HERC6: variants seen among roughly 807,000 people sequenced by gnomAD.
The protein encoded by HERC6 is HECT and RLD domain containing E3 ubiquitin protein ligase family member 6, also known as probable E3 ubiquitin-protein ligase HERC6.
Under a neutral mutation model 114.5 loss-of-function variants are expected in HERC6, and 101 were observed. That is an observed-to-expected ratio of 0.88 (90% confidence interval 0.75 to 1.04). The LOEUF is 1.04. Among genes scored for constraint, HERC6 ranks in the 50% least tolerant of loss-of-function variants. The pLI, the probability that HERC6 is intolerant of heterozygous loss-of-function variation, is 0.00. For missense variants in HERC6, 1,133 were observed against 1,230.9 expected (o/e 0.92, Z 1.19); for synonymous variants, 408 against 436.2 (o/e 0.94, Z 0.81).
intron 13 of HERC6, among the ~76,000 whole-genome samples, chr4:88,420,071 C>T (rs1425306157): frequency 1.3e-5 from 2 of 151,878 alleles, no homozygotes; most frequent in Non-Finnish European, 2.9e-5. Flanking sequence ...TTCTCTCTTA[C>T]TATATATAGG....
At chr4:88,412,618 T>C (rs182873434) in intron 11 of HERC6, among the ~76,000 whole-genome samples, 4 of 152,254 alleles carry the variant, frequency 2.6e-5, no homozygotes, top group Admixed American at 2.6e-4. Context: ...CTGGATGAAA[T>C]AAATAATATA....
At chr4:88,380,858 C>T (rs1436543233) in intron 1 of HERC6, among the ~76,000 whole-genome samples, 1 of 151,874 alleles carries the variant, frequency 6.6e-6, no homozygotes, top group East Asian at 1.9e-4. Flanking sequence ...TGCATTTTCT[C>T]CTTGTCTACT....
At chr4:88,410,503 CA>C (rs1459238383) in intron 11 of HERC6, among the ~76,000 whole-genome samples, 3 of 152,144 alleles carry the variant, frequency 2.0e-5, no homozygotes, top group South Asian at 4.2e-4. Flanking sequence ...CCTTTCACAG[CA>C]AAAAGGGCAA....
In HERC6 at chr4:88,381,388, T is replaced by C. The variant is rs183212242; in HGVS notation, c.200-1833T>C. On this transcript the variant is annotated intron_variant, in intron 1 of 22. Coordinates refer to ENST00000264346, the MANE Select transcript of HERC6 (RefSeq NM_017912.4). ...CTTCGACTTAGGAGCTTGTGTACCA[T>C]GTTTAACAAAGAAAAGGGGGTTTGG... 2.7e-3 allele frequency among the ~76,000 whole-genome samples: 409 copies of C among 152,216 alleles called. 2 individuals are homozygous for C. The highest frequency in any genetic ancestry group is 9.4e-3 in the African/African-American group (390 of 41,514).
At chr4:88,386,118 G>A (rs985188903) in intron 3 of HERC6, among the ~76,000 whole-genome samples, 4 of 151,494 alleles carry the variant, frequency 2.6e-5, no homozygotes, top group South Asian at 2.1e-4. Context: ...CCTCTTATGC[G>A]TAGTCTTTGG....
chr4:88,390,035 C>T (rs1446728577), intron 3 of HERC6, among the ~76,000 whole-genome samples: 10 of 151,780 alleles, frequency 6.6e-5, no homozygotes, highest in Admixed American at 2.6e-4. Flanking sequence ...AAAAATTAGC[C>T]GGGCGTGGTG....
Position 88,429,496 on chromosome 4 carries a change from A to G in HERC6, c.2106+746A>G, listed in dbSNP as rs151125436. Among the ~76,000 whole-genome samples, 361 of 152,312 alleles carry G rather than the reference A, an allele frequency of 2.4e-3. 3 individuals are homozygous for G. Among genetic ancestry groups the G allele is most frequent in the African/African-American group, 8.5e-3 (353 of 41,562 alleles). On this transcript the variant is annotated intron_variant, in intron 16 of 22. Transcript: ENST00000264346. ...AAAGACCTTCCACTATATGAGTTTC[A>G]ATGCTAGCCATCCTTCCTTTTATCC...
chr4:88,402,123 C>G (rs1452043222), intron 8 of HERC6, among the ~76,000 whole-genome samples: 1 of 152,058 alleles, frequency 6.6e-6, no homozygotes, highest in East Asian at 1.9e-4. Flanking sequence ...TCCAGGCGGA[C>G]AAAAGAATCT....
At chr4:88,403,268 G>A (rs1421943729) in intron 8 of HERC6, among the ~76,000 whole-genome samples, 4 of 152,138 alleles carry the variant, frequency 2.6e-5, no homozygotes, top group Non-Finnish European at 5.9e-5. Context: ...CAGAAACTAT[G>A]GGGTGGAGCC....
At position 88,428,683 on chromosome 4, in the gene HERC6, G is replaced by T. The variant is rs189379805; in HGVS notation, c.2039G>T (p.Arg680Leu). The stretch of plus-strand genomic sequence containing the variant: ...TTTATACTTAGAGTCAGACGAAGTC[G>T]CCTGGTTAAAGATGCTCTGCGTCAA... Reference protein sequence around the residue: ...PRFILRVRRSRLVKDALRQLS... With the variant: ...PRFILRVRRSLLVKDALRQLS... Residue 680 changes from arginine to leucine, a missense_variant, in exon 16 of 23, where the codon CGC (arginine) becomes CTC (leucine). This residue lies in a region of HERC6 where 388 missense variants were observed against 445.9 expected (regional missense o/e 0.87). Coordinates refer to ENST00000264346, the MANE Select transcript of HERC6 (RefSeq NM_017912.4). 2 of 1,601,870 alleles carry T rather than the reference G, an allele frequency of 1.2e-6. No homozygotes were observed. Among genetic ancestry groups the T allele is most frequent in the Non-Finnish European group, 1.7e-6 (2 of 1,174,314 alleles).
Position 88,430,590 on chromosome 4 carries a change from A to AAATG in HERC6, c.2107-569_2107-568insGAAT, listed in dbSNP as rs566228228. 4.1e-3 allele frequency among the ~76,000 whole-genome samples: 617 copies of AAATG among 151,152 alleles called. 2 individuals are homozygous for AAATG. The highest frequency in any genetic ancestry group is 0.014 in the African/African-American group (580 of 41,132). On this transcript the variant is annotated intron_variant, in intron 16 of 22. Coordinates refer to ENST00000264346, the MANE Select transcript of HERC6 (RefSeq NM_017912.4). ...ATCTCAAATAAATAAATAAATAAAT[A>AAATG]AATAAATAAATAAATAAATAAAAAG...
chr4:88,431,447 C>G, intron 17 of HERC6, 142 bp downstream of exon 17: 1 of 958,018 alleles, frequency 1.0e-6, no homozygotes, highest in Non-Finnish European at 1.5e-6. Flanking sequence ...GTATGGTTCA[C>G]AGAGCAGCAG....
chr4:88,416,253 G>T (rs1214764264), intron 12 of HERC6, among the ~76,000 whole-genome samples: 3 of 152,192 alleles, frequency 2.0e-5, no homozygotes, highest in African/African-American at 7.2e-5. Context: ...CCTCGTCAAT[G>T]ACCATAATTC....
chr4:88,437,850 T>TA, intron 20 of HERC6, 69 bp downstream of exon 20: 8 of 1,115,480 alleles, frequency 7.2e-6, no homozygotes, highest in Non-Finnish European at 9.3e-6. Flanking sequence ...ACTATTCTTT[T>TA]AAAATGTATT....
chr4:88,383,217 A>G lies in HERC6; in HGVS notation c.200-4A>G. On this transcript the variant is annotated splice_polypyrimidine_tract_variant and splice_region_variant and intron_variant, in intron 1 of 22. Transcript: ENST00000264346. Reference sequence around the variant, plus strand: ...TGGGGGGTGTTTTGTTTTGTTTCCCAAAGAACCAATTCAGGCATTGGAAAC... The same window carrying G: ...TGGGGGGTGTTTTGTTTTGTTTCCCGAAGAACCAATTCAGGCATTGGAAAC... 6.2e-7 allele frequency: 1 copy of G among 1,609,784 alleles called. No individual in the cohort carries two copies. The highest frequency in any genetic ancestry group is 8.5e-7 in the Non-Finnish European group (1 of 1,178,060).
At chr4:88,387,931 A>G (rs936431118) in intron 3 of HERC6, among the ~76,000 whole-genome samples, 8 of 152,224 alleles carry the variant, frequency 5.3e-5, no homozygotes, top group African/African-American at 1.7e-4. Flanking sequence ...CAGGCATTCA[A>G]TGCATTTGCT....
chr4:88,390,133 C>T (rs1035237103), intron 3 of HERC6, among the ~76,000 whole-genome samples: 2 of 143,480 alleles, frequency 1.4e-5, no homozygotes, highest in African/African-American at 2.6e-5. Context: ...GAGCCAAGAT[C>T]GCACCCTGCA....
chr4:88,392,997 C>G (rs980177817), intron 4 of HERC6, among the ~76,000 whole-genome samples: 1 of 152,182 alleles, frequency 6.6e-6, no homozygotes, highest in African/African-American at 2.4e-5. Context: ...GGATTGTAAT[C>G]CCATCATTCA....
Position 88,437,772 on chromosome 4 carries a change from A to AAACCAACAAG in HERC6, c.2547_2555+1dup. On this transcript the variant is annotated frameshift_variant, in exon 20 of 23. Coordinates refer to ENST00000264346, the MANE Select transcript of HERC6 (RefSeq NM_017912.4). LOFTEE classifies it high-confidence loss of function. ...AATGGGATCTCCATACCTGTGGACCAAACCAACAAGTAAGTTTTGACAGCT... is the reference window on the plus strand; with the variant it reads ...AATGGGATCTCCATACCTGTGGACCAAACCAACAAGAACCAACAAGTAAGTTTTGACAGCT... The AAACCAACAAG allele has an allele frequency of 6.2e-7, 1 of 1,605,312 alleles. No homozygotes were observed. Among genetic ancestry groups the AAACCAACAAG allele is most frequent in the African/African-American group, 1.3e-5 (1 of 74,952 alleles).
Sources: gnomAD v4.1 joint callset for allele counts (sites outside exome capture counted in the v4.1 genomes callset) on GRCh38, gnomAD v4.1.1 for gene constraint, gnomAD v4.1.1 regional missense constraint, MANE v1.5 for transcripts, NCBI Gene and HGNC (gene_info 2026-07-23, HGNC 2026-07-21) for gene names.